The following SSR2 variants were observed in gnomAD, a reference collection of about 807,000 sequenced individuals.
SSR2 encodes translocon-associated protein subunit beta.
In SSR2, 16 loss-of-function variants were observed where a neutral mutation model predicts 22.6. That is an observed-to-expected ratio of 0.71 (90% CI 0.48 to 1.08). SSR2 has a LOEUF of 1.08. Among genes scored for constraint, SSR2 ranks in the 50% least tolerant of loss-of-function variants. The pLI, the probability that SSR2 is intolerant of heterozygous loss-of-function variation, is 0.00. For missense variants in SSR2, 171 were observed against 221.6 expected, an observed-to-expected ratio of 0.77 and a Z score of 1.45; for synonymous variants, 83 against 91.2, an observed-to-expected ratio of 0.91 and a Z score of 0.51.
rs1445185461 is a variant in SSR2, at chr1:156,018,283, C to T, written c.241G>A (p.Asp81Asn). ...IVSGMLNVKWDRIAPASNVSH... is the reference protein window; with the variant it reads ...IVSGMLNVKWNRIAPASNVSH... ...CCAAGAGGATACGGGGCAATCCGGT[C>T]CCATTTGACATTGAGCATTCCAGAC... The change falls in exon 3 of 6, where the codon GAC (aspartate) becomes AAC (asparagine). Residue 81 changes from aspartate (D) to asparagine (N), a missense_variant. Physicochemically the swap from Asp to Asn is conservative, Grantham distance 23. Coordinates refer to ENST00000295702, the MANE Select transcript of SSR2 (RefSeq NM_003145.4). 3 of 1,613,798 alleles carry T rather than the reference C, an allele frequency of 1.9e-6. No homozygotes were observed. Among genetic ancestry groups the T allele is most frequent in the Non-Finnish European group, 2.5e-6 (3 of 1,179,882 alleles).
Position 156,020,010 on chromosome 1 carries a change from T to G in SSR2, c.155+3A>C. 1 of 1,611,886 alleles carries G rather than the reference T, an allele frequency of 6.2e-7. No individual in the cohort carries two copies. The highest frequency in any genetic ancestry group is 8.5e-7 in the Non-Finnish European group (1 of 1,178,508). On this transcript the variant is annotated splice_donor_region_variant and intron_variant, in intron 2 of 5. Coordinates refer to ENST00000295702, the MANE Select transcript of SSR2 (RefSeq NM_003145.4). Reference sequence around the variant, plus strand: ...AATCTGTAACTCTAGGGCCTCGAGTTACCTTGAGCCAACATTGTAGATGTT... The same window carrying G: ...AATCTGTAACTCTAGGGCCTCGAGTGACCTTGAGCCAACATTGTAGATGTT...
At chr1:156,017,615 T>C (rs1683075968) in intron 3 of SSR2, among the ~76,000 whole-genome samples, 1 of 151,920 alleles carries the variant, frequency 6.6e-6, no homozygotes, top group Non-Finnish European at 1.5e-5. Context: ...CCCAAAGTGC[T>C]GGGATTACAG....
At chr1:156,011,531 T>A (rs76731062) in intron 5 of SSR2, 17 of 195,868 alleles carry the variant, frequency 8.7e-5, no homozygotes, top group South Asian at 4.1e-4. Context: ...TTTTTTTTTT[T>A]AAACCTCAAA....
chr1:156,011,816 A>G lies in SSR2; in HGVS notation c.435T>C (p.Pro145=). The change falls in exon 5 of 6, where the codon CCT becomes CCC. Residue 145 remains proline (P), a synonymous_variant. Transcript: ENST00000295702. Reference sequence around the variant, plus strand: ...AGAACACTAGAAAGCTTACAAAATGAGGGGAGAATCGCCTGTCAAACTCCC... The same window carrying G: ...AGAACACTAGAAAGCTTACAAAATGGGGGGAGAATCGCCTGTCAAACTCCC... ...AQREFDRRFS[P]HFLDWAAFGV... is the part of the protein sequence containing the mutation. The G allele has an allele frequency of 1.3e-5, 21 of 1,613,302 alleles. No individual in the cohort carries two copies. The highest frequency in any genetic ancestry group is 3.3e-5 in the South Asian group (3 of 91,060).
intron 1 of SSR2, chr1:156,020,659 A>G: frequency 3.1e-6 from 1 of 318,394 alleles, no homozygotes; most frequent in Non-Finnish European, 6.0e-6. Flanking sequence ...AGCCCCTGAG[A>G]TCCCATTCGT....
intron 4 of SSR2, chr1:156,014,290 A>G (rs1683020815): frequency 6.6e-6 from 1 of 151,774 alleles, no homozygotes; most frequent in Non-Finnish European, 1.5e-5. Context: ...CTGGCTAATT[A>G]TTTGAAATGG....
In SSR2 at chr1:156,020,107, C is replaced by G. The variant is rs754172358; in HGVS notation, c.61G>C (p.Ala21Pro). 6 of 1,614,194 alleles carry G rather than the reference C, an allele frequency of 3.7e-6. No homozygotes were observed. The East Asian group carries it at 1.1e-4, about 30-fold the overall frequency. Residue 21 changes from alanine to proline, a missense_variant, in exon 2 of 6, where the codon GCC becomes CCC. Ala to Pro is a conservative substitution (Grantham distance 27). Transcript: ENST00000295702. ...AGTGATTTGGAAGCCAAAAGCCTGG[C>G]TCCTTCCTCTGCTTGAGTGACAGCA... ...LFAVTQAEEGARLLASKSLLN... is the reference protein window; with the variant it reads ...LFAVTQAEEGPRLLASKSLLN...
Position 156,009,605 on chromosome 1 carries a change from T to C in SSR2, c.487A>G (p.Ile163Val), listed in dbSNP as rs149921612. The C allele has an allele frequency of 5.0e-6, 8 of 1,613,028 alleles. No individual in the cohort carries two copies. The highest frequency in any genetic ancestry group is 6.8e-6 in the Non-Finnish European group (8 of 1,179,632). ...FGVMTLPSIG[I>V]PLLLWYSSKR... ...CTGGAGTACCACAATAGCAGGGGGATGCCGATGGAGGGAAGGGTCATGACC... is the reference window on the plus strand; with the variant it reads ...CTGGAGTACCACAATAGCAGGGGGACGCCGATGGAGGGAAGGGTCATGACC... The change falls in exon 6 of 6, where the codon ATC becomes GTC. Residue 163 changes from isoleucine to valine, a missense_variant. Transcript: ENST00000295702.
chr1:156,011,985 T>C (rs1682983991), intron 4 of SSR2, 98 bp from the exon 5 acceptor site: 1 of 815,852 alleles, frequency 1.2e-6, no homozygotes, highest in Admixed American at 2.2e-5. Flanking sequence ...CCCAACTCTA[T>C]GCATTAGAGT....
At chr1:156,020,335 A>G (rs1353590582) in intron 1 of SSR2, 168 bp from the exon 2 acceptor site, 5 of 630,438 alleles carry the variant, frequency 7.9e-6, no homozygotes, top group African/African-American at 1.8e-5. Context: ...AGACTCTCCT[A>G]CCATCTTCAC....
rs1458505174 is a variant in SSR2 at position 156,020,077 on chromosome 1, T to C, written c.91A>G (p.Asn31Asp). 1 of 1,614,210 alleles carries C rather than the reference T, an allele frequency of 6.2e-7. No individual in the cohort carries two copies. Among genetic ancestry groups the C allele is most frequent in the Non-Finnish European group, 8.5e-7 (1 of 1,180,028 alleles). ...TCTCGTCCCTCCACGGCGTATCTGT[T>C]CAGCAGTGATTTGGAAGCCAAAAGC... The part of the protein sequence containing the change: ...ARLLASKSLL[N>D]RYAVEGRDLT... Residue 31 changes from asparagine to aspartate, a missense_variant, in exon 2 of 6, where the codon AAC becomes GAC. Asn to Asp is a conservative substitution (Grantham distance 23). Coordinates refer to ENST00000295702, the MANE Select transcript of SSR2 (RefSeq NM_003145.4).
At chr1:156,011,359 CAGAATGAGCACAT>C (rs1389565775) in intron 5 of SSR2, 1 of 154,158 alleles carries the variant, frequency 6.5e-6, no homozygotes, top group African/African-American at 2.4e-5. Flanking sequence ...AAGCAGAGCA[CAGAATGAGCACAT>C]AATCTGGAAC....
At position 156,018,356 on chromosome 1, in the gene SSR2, G is replaced by A. The variant is rs766378205; in HGVS notation, c.168C>T (p.Asp56=). 4 of 1,612,570 alleles carry A rather than the reference G, an allele frequency of 2.5e-6. No homozygotes were observed. Among genetic ancestry groups the A allele is most frequent in the South Asian group, 2.2e-5 (2 of 91,042 alleles). The change falls in exon 3 of 6, where the codon GAC becomes GAT. Residue 56 remains aspartate, a synonymous_variant. Coordinates refer to ENST00000295702, the MANE Select transcript of SSR2 (RefSeq NM_003145.4). ...IYNVGSSAAL[D]VELSDDSFPP... ...GGAAGGAATCATCAGATAGTTCCAC[G>A]TCTAATGCAGCACTAGAAAATGGAT...
At chr1:156,012,571 A>G (rs1372044778) in intron 4 of SSR2, 1 of 456,206 alleles carries the variant, frequency 2.2e-6, no homozygotes, top group African/African-American at 2.0e-5. Flanking sequence ...TGGTTCTGAA[A>G]GCAGAAATGA....
chr1:156,015,920 G>A (rs997635266), intron 3 of SSR2, among the ~76,000 whole-genome samples: 2 of 152,028 alleles, frequency 1.3e-5, no homozygotes, highest in Non-Finnish European at 2.9e-5. Flanking sequence ...GGAGGCCGAA[G>A]TGGTTGGATC....
At chr1:156,012,753 G>A in intron 4 of SSR2, 1 of 298,488 alleles carries the variant, frequency 3.4e-6, no homozygotes, top group Admixed American at 4.1e-5. Flanking sequence ...TGGTATGGAG[G>A]ATCACACATT....
At chr1:156,017,010 A>G (rs1303221708) in intron 3 of SSR2, among the ~76,000 whole-genome samples, 1 of 152,202 alleles carries the variant, frequency 6.6e-6, no homozygotes. Context: ...GTCTCAGCTT[A>G]TTCTTCATAG....
Position 156,009,622 on chromosome 1 carries a change from G to T in SSR2, c.470C>A (p.Thr157Asn). The change falls in exon 6 of 6, where the codon ACC (threonine) becomes AAC (asparagine). Residue 157 changes from threonine (T) to asparagine (N), a missense_variant. Thr to Asn is a moderately conservative substitution (Grantham distance 65). Transcript: ENST00000295702. ...CAGGGGGATGCCGATGGAGGGAAGGGTCATGACCCCAAAGGCTGCCCAGTC... is the reference window on the plus strand; with the variant it reads ...CAGGGGGATGCCGATGGAGGGAAGGTTCATGACCCCAAAGGCTGCCCAGTC... ...FLDWAAFGVM[T>N]LPSIGIPLLL... 1 of 1,612,516 alleles carries T rather than the reference G, an allele frequency of 6.2e-7. No homozygotes were observed. The highest frequency in any genetic ancestry group is 8.5e-7 in the Non-Finnish European group (1 of 1,179,352).
At chr1:156,011,698 C>G (rs1475766) in intron 5 of SSR2, 112 bp downstream of exon 5, 465,994 of 819,382 alleles carry the variant, frequency 0.57, 139,246 homozygotes, top group Non-Finnish European at 0.63. Context: ...CCAAAAAACA[C>G]ACAGGGCAAG....
Sources: gnomAD v4.1 joint callset for allele counts (sites outside exome capture counted in the v4.1 genomes callset) on GRCh38, gnomAD v4.1.1 for gene constraint, MANE v1.5 for transcripts, NCBI Gene and HGNC (gene_info 2026-07-23, HGNC 2026-07-21) for gene names.